Variants in SHROOM3 observed in about 807,000 individuals in gnomAD.
SHROOM3 encodes shroom family member 3, also known as protein Shroom3.
A neutral mutation model predicts 138.6 loss-of-function variants in SHROOM3; 47 were observed. The ratio of observed to expected loss-of-function variants is 0.34; its 90% confidence interval spans 0.27 to 0.43. The LOEUF (loss-of-function observed/expected upper bound fraction) is 0.43. Among genes scored for constraint, SHROOM3 ranks in the 20% least tolerant of loss-of-function variants. The pLI is 1.00. For synonymous variants in SHROOM3, 1,062 were observed against 1,063.3 expected, an observed-to-expected ratio of 1.00 and a Z score of 0.02; for missense variants, 2,491 against 2,596.5, an observed-to-expected ratio of 0.96 and a Z score of 0.88.
rs71212446 is a variant in SHROOM3, at chr4:76,727,887, C to CA, written c.456-2908dup. Among the ~76,000 whole-genome samples the CA allele has an allele frequency of 5.2e-5, 5 of 96,250 alleles. 1 individual carries two copies. The highest frequency in any genetic ancestry group is 7.4e-5 in the African/African-American group (2 of 27,092). 63.1% of individuals were successfully genotyped at this position (96,250 alleles called of 152,430 possible). On this transcript the variant is annotated intron_variant, in intron 3 of 10. Coordinates refer to ENST00000296043, the MANE Select transcript of SHROOM3 (RefSeq NM_020859.4). ...TGGGCGATAGAGCAAGACTCCATCT[C>CA]AAAAAAAAAGGTTGATTCAACTTTA...
intron 9 of SHROOM3, among the ~76,000 whole-genome samples, chr4:76,767,770 G>C (rs923128540): frequency 6.6e-6 from 1 of 151,864 alleles, no homozygotes; most frequent in Admixed American, 6.6e-5. Flanking sequence ...GTTTAATAAG[G>C]GTTTTAGTTC....
intron 2 of SHROOM3, among the ~76,000 whole-genome samples, chr4:76,701,146 T>C (rs1354592090): frequency 6.6e-6 from 1 of 152,162 alleles, no homozygotes; most frequent in African/African-American, 2.4e-5. Flanking sequence ...GCTAGAAAGT[T>C]CTTGTAGGGG....
chr4:76,750,327 A>G (rs1347222152), intron 6 of SHROOM3, among the ~76,000 whole-genome samples: 2 of 152,218 alleles, frequency 1.3e-5, no homozygotes, highest in Non-Finnish European at 2.9e-5. Flanking sequence ...AAAATGGGCA[A>G]AGGTAAAAAA....
chr4:76,536,973 T>C (rs1316241556), intron 1 of SHROOM3, among the ~76,000 whole-genome samples: 1 of 151,864 alleles, frequency 6.6e-6, no homozygotes, highest in African/African-American at 2.4e-5. Flanking sequence ...ATTACCCAGG[T>C]GTGGTGGCAG....
At chr4:76,668,202 A>G (rs967863787) in intron 2 of SHROOM3, among the ~76,000 whole-genome samples, 1 of 151,916 alleles carries the variant, frequency 6.6e-6, no homozygotes, top group African/African-American at 2.4e-5. Flanking sequence ...AGGAGTCAAG[A>G]CTGAGAACAA....
At position 76,751,680 on chromosome 4, in the gene SHROOM3, G is replaced by T. The variant is rs72870097; in HGVS notation, c.3827+2590G>T. On this transcript the variant is annotated intron_variant, in intron 6 of 10. Coordinates refer to ENST00000296043, the MANE Select transcript of SHROOM3 (RefSeq NM_020859.4). ...CAAAAGACTTAGACATTTATCCAAA[G>T]ATGGCAGACACATGGCCAACAAGCA... 2.6e-5 allele frequency among the ~76,000 whole-genome samples: 4 copies of T among 152,216 alleles called. No individual in the cohort carries two copies. The South Asian group carries it at 8.3e-4, about 32-fold the overall frequency.
At chr4:76,494,107 C>G (rs1273665497) in intron 1 of SHROOM3, among the ~76,000 whole-genome samples, 2 of 151,620 alleles carry the variant, frequency 1.3e-5, no homozygotes, top group African/African-American at 4.8e-5. Context: ...TCTCCCTGCT[C>G]ACGGCCCCCT....
chr4:76,518,451 C>A (rs1429445202), intron 1 of SHROOM3, among the ~76,000 whole-genome samples: 1 of 151,994 alleles, frequency 6.6e-6, no homozygotes, highest in African/African-American at 2.4e-5. Context: ...ATTTCATTTT[C>A]TTTCCCCTCC....
chr4:76,581,083 CT>C (rs200714151), intron 2 of SHROOM3, among the ~76,000 whole-genome samples: 18 of 150,952 alleles, frequency 1.2e-4, no homozygotes, highest in African/African-American at 4.1e-4. Context: ...CTCCAAGAGG[CT>C]TTTTTTTTCA....
chr4:76,608,565 C>T (rs1368334667), intron 2 of SHROOM3, among the ~76,000 whole-genome samples: 3 of 147,786 alleles, frequency 2.0e-5, no homozygotes, highest in Non-Finnish European at 4.5e-5. Flanking sequence ...CATAGCATAG[C>T]ATAGCATAGC....
chr4:76,617,576 T>G (rs1734909755), intron 2 of SHROOM3, among the ~76,000 whole-genome samples: 1 of 152,218 alleles, frequency 6.6e-6, no homozygotes, highest in Non-Finnish European at 1.5e-5. Flanking sequence ...AGGCTTCAAC[T>G]TTGTAGACTT....
intron 2 of SHROOM3, among the ~76,000 whole-genome samples, chr4:76,703,529 C>G (rs1719962957): frequency 1.3e-5 from 2 of 152,220 alleles, no homozygotes; most frequent in African/African-American, 2.4e-5. Flanking sequence ...GAGGGCATCA[C>G]TTCTTAAAAT....
chr4:76,681,386 C>T (rs1175918825), intron 2 of SHROOM3, among the ~76,000 whole-genome samples: 2 of 151,956 alleles, frequency 1.3e-5, no homozygotes, highest in South Asian at 2.1e-4. Flanking sequence ...GTATTGAACA[C>T]TTAGCATGTT....
intron 2 of SHROOM3, among the ~76,000 whole-genome samples, chr4:76,698,338 C>T (rs1321932476): frequency 6.6e-6 from 1 of 152,212 alleles, no homozygotes; most frequent in Non-Finnish European, 1.5e-5. Flanking sequence ...AGGATTAGGC[C>T]TCCCTCACAA....
chr4:76,756,346 G>T, intron 7 of SHROOM3, 103 bp from the exon 8 acceptor site: 4 of 1,366,852 alleles, frequency 2.9e-6, no homozygotes, highest in Non-Finnish European at 4.0e-6. Flanking sequence ...GATGTGGAAA[G>T]CTTCTCCCTC....
At chr4:76,520,941 C>T (rs369618830) in intron 1 of SHROOM3, among the ~76,000 whole-genome samples, 3 of 152,294 alleles carry the variant, frequency 2.0e-5, no homozygotes, top group South Asian at 2.1e-4. Flanking sequence ...GCTATCATAG[C>T]GGAGAATTCT....
chr4:76,622,111 G>A lies in SHROOM3; in HGVS notation c.323+66348G>A, dbSNP rs150970585. On this transcript the variant is annotated intron_variant, in intron 2 of 10. Transcript: ENST00000296043. Reference sequence around the variant, plus strand: ...CTCCCAAAGTGCTGGGATTGCGCACGGCTGAATGTTCTTCCATTCTTTATA... The same window carrying A: ...CTCCCAAAGTGCTGGGATTGCGCACAGCTGAATGTTCTTCCATTCTTTATA... Among the ~76,000 whole-genome samples, 736 of 152,132 alleles carry A rather than the reference G, an allele frequency of 4.8e-3. 3 individuals are homozygous for A. Among genetic ancestry groups the A allele is most frequent in the African/African-American group, 0.017 (704 of 41,502 alleles).
chr4:76,693,714 G>A (rs939400181), intron 2 of SHROOM3, among the ~76,000 whole-genome samples: 2 of 151,906 alleles, frequency 1.3e-5, no homozygotes, highest in Non-Finnish European at 2.9e-5. Flanking sequence ...AGGTTGTGGG[G>A]ATTTAAAATG....
intron 2 of SHROOM3, among the ~76,000 whole-genome samples, chr4:76,677,716 C>T (rs1252973341): frequency 6.6e-6 from 1 of 152,146 alleles, no homozygotes; most frequent in Non-Finnish European, 1.5e-5. Flanking sequence ...TGTTGGACAC[C>T]GCCCAAATGT....
Sources: gnomAD v4.1 joint callset for allele counts (sites outside exome capture counted in the v4.1 genomes callset) on GRCh38, gnomAD v4.1.1 for gene constraint, MANE v1.5 for transcripts, NCBI Gene and HGNC (gene_info 2026-07-23, HGNC 2026-07-21) for gene names.